PLCG2: variants seen among roughly 807,000 people sequenced by gnomAD.
PLCG2 encodes phospholipase C gamma 2, also known as 1-phosphatidylinositol 4,5-bisphosphate phosphodiesterase gamma-2.
PLCG2 carries 69 observed loss-of-function variants against 175.6 expected under a neutral mutation model. That is an observed-to-expected ratio of 0.39 (90% CI 0.32 to 0.48). The LOEUF (loss-of-function observed/expected upper bound fraction) is 0.48. PLCG2 is among the 20% of genes least tolerant of loss of function. PLCG2 has a pLI of 0.91. For missense variants in PLCG2, 1,798 were observed against 1,650.9 expected (o/e 1.09, Z -1.54); for synonymous variants, 827 against 624.0 (o/e 1.33, Z -4.85).
chr16:81,896,055 C>G lies in PLCG2; in HGVS notation c.1193+128C>G, dbSNP rs1908871951. ...AAATGCGGGAAGGCCTGGGCCCCAT[C>G]TTGGCCAAAGCCACTGCCATCAAGT... On this transcript the variant is annotated intron_variant, in intron 13 of 32. Coordinates refer to ENST00000564138, the MANE Select transcript of PLCG2 (RefSeq NM_002661.5). The G allele has an allele frequency of 3.3e-6, 4 of 1,213,924 alleles. No individual in the cohort carries two copies. In the African/African-American group the frequency reaches 4.4e-5, roughly 13 times the overall value. 75.2% of individuals were successfully genotyped at this position (1,213,924 alleles called of 1,614,324 possible). A position where few individuals can be genotyped will look rare whatever the true frequency, so the allele number is the denominator to read the frequency against.
upstream of PLCG2, among the ~76,000 whole-genome samples, chr16:81,777,478 C>T (rs796885250): frequency 6.6e-6 from 1 of 151,406 alleles, no homozygotes; most frequent in Non-Finnish European, 1.5e-5. Flanking sequence ...AGGAATTGCC[C>T]CTAGATGTAG....
intron 1 of PLCG2, among the ~76,000 whole-genome samples, chr16:81,785,218 G>A (rs62047672): frequency 0.12 from 18,826 of 152,156 alleles, 1,758 homozygotes; most frequent in East Asian, 0.48. Context: ...AGCATAAACA[G>A]CAATCAAGGA....
chr16:81,929,537 A>C (rs978338424), intron 24 of PLCG2, among the ~76,000 whole-genome samples: 8 of 152,296 alleles, frequency 5.3e-5, no homozygotes, highest in African/African-American at 1.9e-4. Flanking sequence ...CCGGGACTAC[A>C]GGCATGGGCC....
chr16:81,743,197 A>G (rs1311797696), intron 1 of PLCG2, among the ~76,000 whole-genome samples: 1 of 152,208 alleles, frequency 6.6e-6, no homozygotes, highest in East Asian at 1.9e-4. Context: ...GAAAGGAAGA[A>G]AAAGATAGCT....
Position 81,858,322 on chromosome 16 carries a change from G to T in PLCG2, c.397G>T (p.Ala133Ser). The T allele has an allele frequency of 6.2e-7, 1 of 1,614,018 alleles. No homozygotes were observed. Among genetic ancestry groups the T allele is most frequent in the African/African-American group, 1.3e-5 (1 of 75,032 alleles). Reference sequence around the variant, plus strand: ...TGGCTTGAAAATCTTACACCAGGAAGCGATGAATGCGTCCACGCCCACCAT... The same window carrying T: ...TGGCTTGAAAATCTTACACCAGGAATCGATGAATGCGTCCACGCCCACCAT... ...LSGLKILHQE[A>S]MNASTPTIIE... Residue 133 changes from alanine (A) to serine (S), a missense_variant, in exon 4 of 33, where the codon GCG (alanine) becomes TCG (serine). By Grantham distance (99) the Ala-to-Ser change is moderately conservative. Transcript: ENST00000564138.
At chr16:81,828,237 T>C (rs1190997851) in intron 2 of PLCG2, among the ~76,000 whole-genome samples, 305 of 3,722 alleles carry the variant, frequency 0.082, 3 homozygotes, top group Admixed American at 0.18. Flanking sequence ...GAAATGTCAT[T>C]TTTTTTTTTT....
chr16:81,809,463 CT>C (rs1904299401), intron 2 of PLCG2, among the ~76,000 whole-genome samples: 1 of 152,172 alleles, frequency 6.6e-6, no homozygotes, highest in Non-Finnish European at 1.5e-5. Flanking sequence ...ATGACACAGC[CT>C]TTATTTGCTG....
chr16:81,753,095 G>T lies in PLCG2; in HGVS notation c.-144-2775G>T, dbSNP rs565812944. 1.2e-4 allele frequency among the ~76,000 whole-genome samples: 18 copies of T among 152,336 alleles called. No homozygotes were observed. The South Asian group carries it at 2.3e-3, about 19-fold the overall frequency. ...TGTCCAGGGTGCCCCACCAGCTTCTGCTGAGGATGGCCAGTGGCAGCTCAG... is the reference window on the plus strand; with the variant it reads ...TGTCCAGGGTGCCCCACCAGCTTCTTCTGAGGATGGCCAGTGGCAGCTCAG... On this transcript the variant is annotated intron_variant, in intron 1 of 5. Transcript: ENST00000565054.
At chr16:81,906,943 C>G (rs188617619) in intron 15 of PLCG2, among the ~76,000 whole-genome samples, 2 of 150,094 alleles carry the variant, frequency 1.3e-5, no homozygotes, top group Non-Finnish European at 2.9e-5. Flanking sequence ...GAGGCTGAGG[C>G]AGGAGAATTA....
chr16:81,804,202 C>T (rs926663894), intron 2 of PLCG2, among the ~76,000 whole-genome samples: 9 of 152,202 alleles, frequency 5.9e-5, no homozygotes, highest in African/African-American at 1.7e-4. Flanking sequence ...CCCATGTCCT[C>T]GCCAACACAT....
At chr16:81,946,039 AAGTC>A (rs767578228) in intron 30 of PLCG2, 132 bp from the exon 31 acceptor site, 13 of 695,762 alleles carry the variant, frequency 1.9e-5, no homozygotes, top group Non-Finnish European at 3.2e-5. Flanking sequence ...GGCTTCCACA[AAGTC>A]AGCCCCCAGC....
At chr16:81,770,328 C>T (rs1479386531) in intron 2 of PLCG2, among the ~76,000 whole-genome samples, 2 of 152,148 alleles carry the variant, frequency 1.3e-5, no homozygotes, top group Non-Finnish European at 2.9e-5. Context: ...TTTTCTATAA[C>T]AACTAAGACA....
intron 2 of PLCG2, among the ~76,000 whole-genome samples, chr16:81,806,105 T>C (rs1262692819): frequency 6.6e-6 from 1 of 151,018 alleles, no homozygotes; most frequent in African/African-American, 2.4e-5. Context: ...GTTTTTGGTC[T>C]GTGTCTTCAA....
rs747199157 is a variant in PLCG2, at chr16:81,937,709, C to T, written c.3053-49C>T. 6.4e-6 allele frequency: 10 copies of T among 1,572,610 alleles called. No individual in the cohort carries two copies. In the African/African-American group the frequency reaches 9.5e-5, roughly 15 times the overall value. On this transcript the variant is annotated intron_variant, in intron 27 of 32. Coordinates refer to ENST00000564138, the MANE Select transcript of PLCG2 (RefSeq NM_002661.5). ...ACCTAGAAACTCCTGGCCTAGGGGG[C>T]CAGCGTGCTCATGCCTGACTTACAG...
At chr16:81,833,920 A>G (rs1905381238) in intron 2 of PLCG2, among the ~76,000 whole-genome samples, 1 of 152,164 alleles carries the variant, frequency 6.6e-6, no homozygotes, top group Non-Finnish European at 1.5e-5. Context: ...CTCTGTCTGC[A>G]GAGGCTTACC....
intron 2 of PLCG2, among the ~76,000 whole-genome samples, chr16:81,788,439 C>T (rs1374638014): frequency 1.3e-5 from 2 of 152,130 alleles, no homozygotes; most frequent in Admixed American, 6.6e-5. Flanking sequence ...CGCCACCACG[C>T]CCGGCTAATT....
At chr16:81,887,415 G>A (rs879874848) in intron 9 of PLCG2, among the ~76,000 whole-genome samples, 1 of 152,082 alleles carries the variant, frequency 6.6e-6, no homozygotes, top group Non-Finnish European at 1.5e-5. Flanking sequence ...CACCACGCCC[G>A]GCCTAGTATT....
At chr16:81,752,223 G>T (rs1383609607) in intron 1 of PLCG2, among the ~76,000 whole-genome samples, 1 of 152,026 alleles carries the variant, frequency 6.6e-6, no homozygotes, top group African/African-American at 2.4e-5. Context: ...TGGAAGCCTG[G>T]AGGCCCTCAC....
Position 81,961,605 on chromosome 16 carries a change from T to C in PLCG2, c.*3607T>C, listed in dbSNP as rs185296269. 9.3e-6 allele frequency: 2 copies of C among 216,162 alleles called. No homozygotes were observed. The highest frequency in any genetic ancestry group is 7.0e-5 in the East Asian group (1 of 14,336). The allele number at this position is 216,162 out of a possible 1,614,324, so 13.4% of individuals were successfully genotyped here. A position where few individuals can be genotyped will look rare whatever the true frequency, so the allele number is the denominator to read the frequency against. On this transcript the variant is annotated 3_prime_UTR_variant, in exon 33 of 33. Coordinates refer to ENST00000564138, the MANE Select transcript of PLCG2 (RefSeq NM_002661.5). ...GGTATGAAAATACAAATTCAAGGAG[T>C]AAAAGGAAAAGTGGGGCATTCCTTG...
Sources: allele counts gnomAD v4.1 joint callset (sites outside exome capture counted in the v4.1 genomes callset), GRCh38; gene constraint gnomAD v4.1.1; transcripts MANE v1.5; gene names NCBI Gene and HGNC (gene_info 2026-07-23, HGNC 2026-07-21).